Variants in SORL1 observed in about 807,000 individuals in gnomAD.
SORL1 encodes sortilin-related receptor.
SORL1 carries 127 observed loss-of-function variants against 273.7 expected under a neutral mutation model. That is an observed-to-expected ratio of 0.46 (90% CI 0.40 to 0.54). The LOEUF (loss-of-function observed/expected upper bound fraction) is 0.54, where lower values mean the gene tolerates loss of function less well. Among genes scored for constraint, SORL1 ranks in the 20% least tolerant of loss-of-function variants. The pLI, the probability that SORL1 is intolerant of heterozygous loss-of-function variation, is 0.00. For synonymous variants in SORL1, 1,031 were observed against 1,067.4 expected (o/e 0.97, Z 0.66); for missense variants, 2,494 against 2,846.1 (o/e 0.88, Z 2.81).
At chr11:121,576,708 C>A in intron 24 of SORL1, 4 of 1,419,078 alleles carry the variant, frequency 2.8e-6, no homozygotes, top group Non-Finnish European at 2.8e-6. Context: ...TCTTACCAGG[C>A]CCCCACCCTT....
chr11:121,524,700 C>T (rs1034838929), intron 11 of SORL1, among the ~76,000 whole-genome samples: 1 of 151,852 alleles, frequency 6.6e-6, no homozygotes, highest in African/African-American at 2.4e-5. Flanking sequence ...CCTCAGAATT[C>T]CTTTTTTTGT....
chr11:121,513,136 G>A, intron 7 of SORL1, 32 bp downstream of exon 7: 5 of 1,474,226 alleles, frequency 3.4e-6, no homozygotes, highest in Middle Eastern at 3.4e-4. Context: ...ATGGGAAGAA[G>A]TATCATTGTC....
intron 25 of SORL1, among the ~76,000 whole-genome samples, chr11:121,580,903 T>A (rs1037474724): frequency 1.5e-4 from 23 of 150,872 alleles, no homozygotes; most frequent in African/African-American, 4.9e-4. Flanking sequence ...CTGCACCTGG[T>A]CCCCTTCTCA....
intron 1 of SORL1, among the ~76,000 whole-genome samples, chr11:121,453,416 A>T (rs897985566): frequency 1.3e-5 from 2 of 152,068 alleles, no homozygotes; most frequent in African/African-American, 4.8e-5. Context: ...TTGCAGATGG[A>T]GTTTGTAGGT....
intron 6 of SORL1, among the ~76,000 whole-genome samples, chr11:121,503,755 A>G (rs1861747501): frequency 6.6e-6 from 1 of 152,140 alleles, no homozygotes; most frequent in South Asian, 2.1e-4. Context: ...ATCTACCCCT[A>G]TGCCAGCATC....
At chr11:121,557,165 G>A (rs1312881529) in intron 18 of SORL1, 149 bp from the exon 19 acceptor site, 1 of 669,812 alleles carries the variant, frequency 1.5e-6, no homozygotes, top group Non-Finnish European at 2.7e-6. Context: ...CTAGAAGTTG[G>A]GGCAGGTTTC....
chr11:121,481,014 T>C (rs1293096204), intron 3 of SORL1, among the ~76,000 whole-genome samples: 1 of 109,306 alleles, frequency 9.1e-6, no homozygotes, highest in Middle Eastern at 8.2e-3. Flanking sequence ...CAGATACCTA[T>C]AGGCAGGCTT....
rs1231971424 is a variant in SORL1 at position 121,467,033 on chromosome 11, T to TTC, written c.286-2973_286-2972insCT. On this transcript the variant is annotated intron_variant, in intron 1 of 47. Transcript: ENST00000260197. ...CTTCTAGAGGTTTTCTTTTTTTCTT[T>TTC]TTTTTTTTTTTTTTGAGGTGGAGTC... Among the ~76,000 whole-genome samples the TTC allele has an allele frequency of 7.6e-5, 11 of 144,880 alleles. No individual in the cohort carries two copies. The South Asian group carries it at 1.5e-3, about 20-fold the overall frequency.
intron 31 of SORL1, among the ~76,000 whole-genome samples, chr11:121,594,115 A>AT (rs11361113): frequency 1.5e-4 from 22 of 147,300 alleles, no homozygotes; most frequent in African/African-American, 5.0e-4. Flanking sequence ...TTTGATTCTG[A>AT]TTTTTTTTTT....
chr11:121,459,054 C>T (rs761561688), intron 1 of SORL1, among the ~76,000 whole-genome samples: 4 of 152,174 alleles, frequency 2.6e-5, no homozygotes, highest in South Asian at 2.1e-4. Context: ...TTCCTGGCCG[C>T]GTCCTGGACC....
At position 121,558,729 on chromosome 11, in the gene SORL1, C is replaced by G; in HGVS notation, c.2802C>G (p.Tyr934Ter). 1.2e-6 allele frequency: 2 copies of G among 1,614,184 alleles called. No homozygotes were observed. Among genetic ancestry groups the G allele is most frequent in the Non-Finnish European group, 1.7e-6 (2 of 1,180,026 alleles). ...NGISVDDQWI[Y>*]WTDAYLECIE... Reference sequence around the variant, plus strand: ...TCTCTGTGGACGACCAGTGGATTTACTGGACGGATGCCTACCTGGAGTGCA... The same window carrying G: ...TCTCTGTGGACGACCAGTGGATTTAGTGGACGGATGCCTACCTGGAGTGCA... Residue 934 changes from tyrosine to a stop codon, truncating the protein, a stop_gained, in exon 20 of 48, where the codon TAC becomes TAG. Coordinates refer to ENST00000260197, the MANE Select transcript of SORL1 (RefSeq NM_003105.6). LOFTEE classifies it high-confidence loss of function.
At chr11:121,607,314 C>A in intron 37 of SORL1, 24 bp downstream of exon 37, 1 of 1,342,194 alleles carries the variant, frequency 7.5e-7, no homozygotes, top group Non-Finnish European at 1.1e-6. Flanking sequence ...TCCATTCCAG[C>A]CATCCATGCA....
Position 121,595,881 on chromosome 11 carries a change from G to A in SORL1, c.4519+109G>A. The A allele has an allele frequency of 1.7e-6, 2 of 1,211,012 alleles. No individual in the cohort carries two copies. The highest frequency in any genetic ancestry group is 2.5e-5 in the Admixed American group (1 of 40,706). 75.0% of individuals were successfully genotyped at this position (1,211,012 alleles called of 1,614,324 possible). On this transcript the variant is annotated intron_variant, in intron 32 of 47. Transcript: ENST00000260197. This position sits in a 1 kb window ranked among gnomAD's most constrained non-coding sequence, Gnocchi z 5.1. ...AGCACACGCCTGTGTGTGAGTCTGT[G>A]TACTTGCGTAACCATGCTCTTACTG...
chr11:121,564,311 A>G (rs957353318), intron 21 of SORL1, among the ~76,000 whole-genome samples: 3 of 152,046 alleles, frequency 2.0e-5, no homozygotes, highest in African/African-American at 7.2e-5. Flanking sequence ...GCCCCTGCCT[A>G]CCTCTTAGGA....
intron 6 of SORL1, among the ~76,000 whole-genome samples, chr11:121,509,317 A>C (rs950679927): frequency 6.6e-6 from 1 of 152,082 alleles, no homozygotes; most frequent in African/African-American, 2.4e-5. Context: ...GGGATAGCTC[A>C]TTGCAGTATC....
intron 6 of SORL1, among the ~76,000 whole-genome samples, chr11:121,510,846 G>A (rs930345127): frequency 6.6e-6 from 1 of 152,214 alleles, no homozygotes; most frequent in African/African-American, 2.4e-5. Context: ...ACTCTGCAGG[G>A]TAGAGTGGGA....
At chr11:121,492,993 T>G (rs1861578297) in intron 5 of SORL1, among the ~76,000 whole-genome samples, 1 of 152,046 alleles carries the variant, frequency 6.6e-6, no homozygotes, top group South Asian at 2.1e-4. Context: ...TATTTTATAT[T>G]TTTTAGTGAG....
intron 1 of SORL1, among the ~76,000 whole-genome samples, chr11:121,455,406 C>T (rs1860886228): frequency 6.6e-6 from 1 of 152,188 alleles, no homozygotes; most frequent in South Asian, 2.1e-4. Flanking sequence ...CAGAAGCTGC[C>T]TGAAGGAAGC....
rs566163974 is a variant in SORL1, at chr11:121,590,277, G to A, written c.4213+103G>A. On this transcript the variant is annotated intron_variant, in intron 30 of 47. Coordinates refer to ENST00000260197, the MANE Select transcript of SORL1 (RefSeq NM_003105.6). ...CCTGGCTGATTCCGTGTTTTGGGGG[G>A]CATATTTTTGTGAGAGGAGTGACTC... 7.2e-6 allele frequency: 9 copies of A among 1,251,514 alleles called. No homozygotes were observed. In the African/African-American group the frequency reaches 7.6e-5, roughly 11 times the overall value. 77.5% of individuals were successfully genotyped at this position (1,251,514 alleles called of 1,614,324 possible). A position where few individuals can be genotyped will look rare whatever the true frequency, so the allele number is the denominator to read the frequency against.
Sources: gnomAD v4.1 joint callset for allele counts (sites outside exome capture counted in the v4.1 genomes callset) on GRCh38, gnomAD v4.1.1 for gene constraint, Gnocchi (gnomAD v3.1) non-coding constraint, MANE v1.5 for transcripts, NCBI Gene and HGNC (gene_info 2026-07-23, HGNC 2026-07-21) for gene names.